Variants in ARHGAP15 observed in about 807,000 individuals in gnomAD.
The protein encoded by ARHGAP15 is rho GTPase-activating protein 15.
ARHGAP15 carries 51 observed loss-of-function variants against 63.7 expected under a neutral mutation model. The observed-to-expected ratio is 0.80, with a 90% CI of 0.64 to 1.01. The LOEUF is 1.01. Ranked by LOEUF, ARHGAP15 falls within the 50% of genes least tolerant of loss-of-function variation. The probability of loss-of-function intolerance (pLI) is 0.00; values close to 1 mark genes in which losing one functional copy is unlikely to be tolerated. For synonymous variants in ARHGAP15, 191 were observed against 193.8 expected, an observed-to-expected ratio of 0.99 and a Z score of 0.12; for missense variants, 560 against 564.6, an observed-to-expected ratio of 0.99 and a Z score of 0.08.
chr2:143,413,045 T>A (rs1474681445), intron 6 of ARHGAP15, among the ~76,000 whole-genome samples: 1 of 152,192 alleles, frequency 6.6e-6, no homozygotes, highest in Non-Finnish European at 1.5e-5. Flanking sequence ...TGTATCTATA[T>A]CTGGATCATC....
chr2:143,266,836 T>C (rs1019653149), intron 6 of ARHGAP15, among the ~76,000 whole-genome samples: 6 of 152,164 alleles, frequency 3.9e-5, no homozygotes, highest in Admixed American at 3.9e-4. Flanking sequence ...CCAAGTATCA[T>C]TGGAGTTTTG....
intron 13 of ARHGAP15, among the ~76,000 whole-genome samples, chr2:143,706,883 A>G (rs780410087): frequency 6.6e-6 from 1 of 152,148 alleles, no homozygotes; most frequent in Non-Finnish European, 1.5e-5. Flanking sequence ...CTGAATCATC[A>G]TATAAATGGC....
intron 8 of ARHGAP15, among the ~76,000 whole-genome samples, chr2:143,476,831 G>T (rs927210762): frequency 6.6e-6 from 1 of 152,200 alleles, no homozygotes; most frequent in African/African-American, 2.4e-5. Flanking sequence ...CTGCTTCATT[G>T]TGAAACCTTT....
chr2:143,205,743 C>T (rs1211343524), intron 3 of ARHGAP15, among the ~76,000 whole-genome samples: 1 of 152,038 alleles, frequency 6.6e-6, no homozygotes, highest in Non-Finnish European at 1.5e-5. Context: ...TAGTAGCAAA[C>T]ATATATCTAG....
At chr2:143,753,357 C>G (rs1410264375) in intron 13 of ARHGAP15, among the ~76,000 whole-genome samples, 1 of 152,100 alleles carries the variant, frequency 6.6e-6, no homozygotes, top group African/African-American at 2.4e-5. Context: ...GACAAATGTA[C>G]GAATGGCCCC....
At chr2:143,545,280 C>T (rs1245448988) in intron 10 of ARHGAP15, among the ~76,000 whole-genome samples, 1 of 152,204 alleles carries the variant, frequency 6.6e-6, no homozygotes, top group Non-Finnish European at 1.5e-5. Context: ...ATTGGAGGCA[C>T]CTCCCCAAAG....
chr2:143,179,814 C>T (rs1350483002), intron 2 of ARHGAP15, among the ~76,000 whole-genome samples: 1 of 151,292 alleles, frequency 6.6e-6, no homozygotes, highest in East Asian at 1.9e-4. Flanking sequence ...ATTGCTTGAG[C>T]CCTGAAGGTG....
At chr2:143,129,735 T>C (rs2104973945) in intron 1 of ARHGAP15, among the ~76,000 whole-genome samples, 1 of 152,204 alleles carries the variant, frequency 6.6e-6, no homozygotes, top group East Asian at 1.9e-4. Flanking sequence ...GAATAAGTTA[T>C]AAAGTTTTAG....
At position 143,274,755 on chromosome 2, in the gene ARHGAP15, A is replaced by G. The variant is rs190671803; in HGVS notation, c.474+24155A>G. Among the ~76,000 whole-genome samples the G allele has an allele frequency of 1.2e-4, 19 of 152,348 alleles. No individual in the cohort carries two copies. The East Asian group carries it at 3.7e-3, about 29-fold the overall frequency. On this transcript the variant is annotated intron_variant, in intron 6 of 13. Coordinates refer to ENST00000295095, the MANE Select transcript of ARHGAP15 (RefSeq NM_018460.4). ...ATTTCAGAATTTCATAACGACATTAATAGGTTTTGATTTCCCCAGGACACC... is the reference window on the plus strand; with the variant it reads ...ATTTCAGAATTTCATAACGACATTAGTAGGTTTTGATTTCCCCAGGACACC...
intron 6 of ARHGAP15, among the ~76,000 whole-genome samples, chr2:143,262,514 T>A (rs1284497009): frequency 6.7e-6 from 1 of 150,318 alleles, no homozygotes; most frequent in Non-Finnish European, 1.5e-5. Context: ...GACCTTTGTA[T>A]ATGCGGGGTC....
intron 6 of ARHGAP15, among the ~76,000 whole-genome samples, chr2:143,384,012 T>A (rs1052432849): frequency 1.3e-5 from 2 of 152,118 alleles, no homozygotes; most frequent in Non-Finnish European, 2.9e-5. Context: ...GTCCTTGCCA[T>A]CCTCCTCAGA....
intron 2 of ARHGAP15, among the ~76,000 whole-genome samples, chr2:143,180,610 G>A (rs762134335): frequency 2.6e-4 from 39 of 151,994 alleles, no homozygotes; most frequent in Non-Finnish European, 1.6e-4. Context: ...AAATTACTTC[G>A]TCCAGATCCA....
At chr2:143,160,991 C>T (rs1690272279) in intron 2 of ARHGAP15, among the ~76,000 whole-genome samples, 1 of 151,978 alleles carries the variant, frequency 6.6e-6, no homozygotes, top group South Asian at 2.1e-4. Context: ...GAACATGGTG[C>T]TGAATGTACA....
chr2:143,353,980 A>G (rs1685691813), intron 6 of ARHGAP15, among the ~76,000 whole-genome samples: 1 of 150,906 alleles, frequency 6.6e-6, no homozygotes, highest in Admixed American at 6.7e-5. Context: ...GAGCAATTTT[A>G]CCTGTTCAGG....
At chr2:143,471,064 CAT>C (rs905770982) in intron 8 of ARHGAP15, among the ~76,000 whole-genome samples, 29 of 148,154 alleles carry the variant, frequency 2.0e-4, no homozygotes, top group Non-Finnish European at 2.4e-4. Context: ...CATATATACA[CAT>C]ATGATACACA....
intron 6 of ARHGAP15, among the ~76,000 whole-genome samples, chr2:143,273,547 A>G (rs939227717): frequency 6.6e-6 from 1 of 152,202 alleles, no homozygotes; most frequent in Non-Finnish European, 1.5e-5. Flanking sequence ...ACTCTAGTTA[A>G]TAAGTATATG....
chr2:143,523,334 G>A (rs1383747271), intron 10 of ARHGAP15, among the ~76,000 whole-genome samples: 1 of 152,072 alleles, frequency 6.6e-6, no homozygotes, highest in East Asian at 1.9e-4. Context: ...ATAAAAAGCA[G>A]GGAAATACGT....
At chr2:143,166,068 A>AAGT (rs879755118) in intron 2 of ARHGAP15, among the ~76,000 whole-genome samples, 1 of 151,168 alleles carries the variant, frequency 6.6e-6, no homozygotes, top group African/African-American at 2.4e-5. Context: ...AAAGAAAAAA[A>AAGT]ATATCTTCTT....
At chr2:143,386,803 CT>C (rs1235964272) in intron 6 of ARHGAP15, among the ~76,000 whole-genome samples, 1 of 151,878 alleles carries the variant, frequency 6.6e-6, no homozygotes, top group Admixed American at 6.6e-5. Context: ...ACATTAATTC[CT>C]TTTTGGTTTC....
Sources: gnomAD v4.1 joint callset for allele counts (sites outside exome capture counted in the v4.1 genomes callset) on GRCh38, gnomAD v4.1.1 for gene constraint, MANE v1.5 for transcripts, NCBI Gene and HGNC (gene_info 2026-07-23, HGNC 2026-07-21) for gene names.